ABHD17B: variants seen among roughly 807,000 people sequenced by gnomAD.
The protein encoded by ABHD17B is abhydrolase domain containing 17B, depalmitoylase, also known as alpha/beta hydrolase domain-containing protein 17B.
Under a neutral mutation model 26.2 loss-of-function variants are expected in ABHD17B, and 9 were observed. The observed-to-expected ratio is 0.34, with a 90% CI of 0.21 to 0.60. The LOEUF is 0.60. Ranked by LOEUF, ABHD17B falls within the 20% of genes least tolerant of loss-of-function variation. ABHD17B has a pLI of 0.80. For missense variants in ABHD17B, 224 were observed against 352.1 expected (o/e 0.64, Z 2.91); for synonymous variants, 127 against 122.3 (o/e 1.04, Z -0.25).
intron 1 of ABHD17B, among the ~76,000 whole-genome samples, chr9:71,891,783 G>A (rs1027746142): frequency 6.6e-5 from 10 of 152,134 alleles, no homozygotes; most frequent in Admixed American, 2.0e-4. Context: ...CCTGTCTATA[G>A]GGCAAACAAG....
intron 1 of ABHD17B, among the ~76,000 whole-genome samples, chr9:71,890,831 ATGT>A (rs1473520513): frequency 3.9e-5 from 6 of 152,262 alleles, no homozygotes; most frequent in African/African-American, 1.2e-4. Flanking sequence ...AACAAAATCC[ATGT>A]TGTTCTTAAA....
At chr9:71,879,659 C>T (rs1826383719) in intron 1 of ABHD17B, among the ~76,000 whole-genome samples, 1 of 152,114 alleles carries the variant, frequency 6.6e-6, no homozygotes, top group African/African-American at 2.4e-5. Context: ...GAACAAAAAG[C>T]AATGGAGAAC....
At chr9:71,885,338 T>C (rs1564067420) in intron 1 of ABHD17B, among the ~76,000 whole-genome samples, 1 of 151,770 alleles carries the variant, frequency 6.6e-6, no homozygotes, top group Admixed American at 6.6e-5. Context: ...CGTACACCTG[T>C]CATCCCAGCT....
chr9:71,878,445 GA>G lies in ABHD17B; in HGVS notation c.-3-3363del, dbSNP rs1376717948. On this transcript the variant is annotated intron_variant, in intron 1 of 3. Coordinates refer to ENST00000333421, the MANE Select transcript of ABHD17B (RefSeq NM_001025780.3). ...TAAGAATTTCTCAGAATTAAAGGGG[GA>G]AAAAAAGTCAGATTGAAACACCTCA... Among the ~76,000 whole-genome samples, 6 of 151,904 alleles carry G rather than the reference GA, an allele frequency of 3.9e-5. No homozygotes were observed. In the East Asian group the frequency reaches 7.7e-4, roughly 20 times the overall value.
At chr9:71,864,583 C>G (rs1825905163), downstream of ABHD17B, among the ~76,000 whole-genome samples, 1 of 152,056 alleles carries the variant, frequency 6.6e-6, no homozygotes, top group African/African-American at 2.4e-5. Context: ...TTCCCCTCAG[C>G]TAGGAATGCT....
chr9:71,892,280 C>A (rs575418158), intron 1 of ABHD17B, among the ~76,000 whole-genome samples: 1 of 152,008 alleles, frequency 6.6e-6, no homozygotes, highest in Non-Finnish European at 1.5e-5. Context: ...CACCTGTAAT[C>A]CCAGCACTTT....
chr9:71,874,559 G>C (rs1826203819), intron 2 of ABHD17B, 55 bp downstream of exon 2: 5 of 1,412,450 alleles, frequency 3.5e-6, no homozygotes, highest in Non-Finnish European at 3.8e-6. Context: ...TCTTACACAA[G>C]ATATTTTTAG....
At chr9:71,868,209 ACT>A (rs370167626) in intron 3 of ABHD17B, among the ~76,000 whole-genome samples, 10 of 151,646 alleles carry the variant, frequency 6.6e-5, no homozygotes, top group Middle Eastern at 3.4e-3. Flanking sequence ...TCGCAGCGAG[ACT>A]CTGTCTCAGA....
chr9:71,899,965 C>T (rs920791677), intron 1 of ABHD17B, among the ~76,000 whole-genome samples: 1 of 152,074 alleles, frequency 6.6e-6, no homozygotes, highest in African/African-American at 2.4e-5. Context: ...AGGAGCCTTA[C>T]TAAAAACAAG....
intron 2 of ABHD17B, 60 bp from the exon 3 acceptor site, chr9:71,870,322 C>T (rs1032964953): frequency 1.4e-6 from 2 of 1,417,808 alleles, no homozygotes; most frequent in Non-Finnish European, 1.9e-6. Context: ...TGAAATGTTC[C>T]ATCATTCCAA....
intron 1 of ABHD17B, among the ~76,000 whole-genome samples, chr9:71,895,984 G>T (rs1461248551): frequency 1.3e-5 from 2 of 152,132 alleles, no homozygotes. Context: ...AACTCTGGAG[G>T]TTCTTAAGAT....
In ABHD17B at chr9:71,874,717, T is replaced by C. The variant is rs1451293805; in HGVS notation, c.364A>G (p.Ile122Val). The C allele has an allele frequency of 3.1e-6, 5 of 1,614,078 alleles. No individual in the cohort carries two copies. Among genetic ancestry groups the C allele is most frequent in the African/African-American group, 1.3e-5 (1 of 74,918 alleles). Residue 122 changes from isoleucine to valine, a missense_variant, in exon 2 of 4, where the codon ATA (isoleucine) becomes GTA (valine). Physicochemically the swap from Ile to Val is conservative, Grantham distance 29. Coordinates refer to ENST00000333421, the MANE Select transcript of ABHD17B (RefSeq NM_001025780.3). Reference protein sequence around the residue: ...IGLGSRINCNIFSYDYSGYGA... With the variant: ...IGLGSRINCNVFSYDYSGYGA... ...TATCCAGAATAATCATATGAGAATA[T>C]ATTACAATTAATCCGTGATCCTAGT...
intron 1 of ABHD17B, among the ~76,000 whole-genome samples, chr9:71,903,319 C>T (rs745348241): frequency 6.6e-6 from 1 of 152,040 alleles, no homozygotes; most frequent in Admixed American, 6.5e-5. Flanking sequence ...AAAGTCATAA[C>T]TAAAATATTA....
intron 1 of ABHD17B, among the ~76,000 whole-genome samples, chr9:71,898,930 C>G (rs1279586498): frequency 1.3e-5 from 2 of 152,052 alleles, no homozygotes; most frequent in Non-Finnish European, 2.9e-5. Context: ...TCAGAGCAAG[C>G]CTGGCCAACA....
Position 71,866,662 on chromosome 9 carries a change from AT to A in ABHD17B, c.*124del. The A allele has an allele frequency of 6.8e-7, 1 of 1,468,638 alleles. No individual in the cohort carries two copies. The highest frequency in any genetic ancestry group is 9.0e-7 in the Non-Finnish European group (1 of 1,113,914). 91.0% of individuals were successfully genotyped at this position (1,468,638 alleles called of 1,614,324 possible). A position where few individuals can be genotyped will look rare whatever the true frequency, so the allele number is the denominator to read the frequency against. ...CCTTCATTAAGTCTGTTAACAAATCATTACCTGTACATTTATGAAGGCAACT... is the reference window on the plus strand; with the variant it reads ...CCTTCATTAAGTCTGTTAACAAATCATACCTGTACATTTATGAAGGCAACT... On this transcript the variant is annotated 3_prime_UTR_variant, in exon 4 of 4. Transcript: ENST00000333421.
intron 1 of ABHD17B, among the ~76,000 whole-genome samples, chr9:71,889,896 T>C (rs1035655728): frequency 1.3e-5 from 2 of 152,142 alleles, no homozygotes; most frequent in Non-Finnish European, 2.9e-5. Context: ...TTTTAATTCT[T>C]CTAGTGCTTA....
At chr9:71,904,207 T>C (rs563119188) in intron 1 of ABHD17B, among the ~76,000 whole-genome samples, 149 of 152,338 alleles carry the variant, frequency 9.8e-4, no homozygotes, top group African/African-American at 3.4e-3. Flanking sequence ...TTGTTGTGCA[T>C]ATTATCAGTG....
chr9:71,862,458 A>G, downstream of ABHD17B: 1 of 1,122,360 alleles, frequency 8.9e-7, no homozygotes, highest in Non-Finnish European at 1.2e-6. Flanking sequence ...AACATTGGAG[A>G]GCAAATAAGT....
intron 2 of ABHD17B, among the ~76,000 whole-genome samples, chr9:71,874,408 C>G (rs1014039161): frequency 6.6e-6 from 1 of 152,030 alleles, no homozygotes; most frequent in African/African-American, 2.4e-5. Flanking sequence ...GACAAACAAA[C>G]CTGAAACTGT....
Sources: allele counts gnomAD v4.1 joint callset (sites outside exome capture counted in the v4.1 genomes callset), GRCh38; gene constraint gnomAD v4.1.1; transcripts MANE v1.5; gene names NCBI Gene and HGNC (gene_info 2026-07-23, HGNC 2026-07-21).